The following LPAR1 variants were observed in gnomAD, a reference collection of about 807,000 sequenced individuals.
The protein encoded by LPAR1 is lysophosphatidic acid receptor 1.
A neutral mutation model predicts 23.8 loss-of-function variants in LPAR1; 5 were observed. That is an observed-to-expected ratio of 0.21 (90% CI 0.11 to 0.44). The LOEUF is 0.44. Among genes scored for constraint, LPAR1 ranks in the 20% least tolerant of loss-of-function variants. LPAR1 has a pLI of 0.99. For missense variants in LPAR1, 311 were observed against 482.8 expected (o/e 0.64, Z 3.33); for synonymous variants, 160 against 164.7 (o/e 0.97, Z 0.22).
intron 5 of LPAR1, among the ~76,000 whole-genome samples, chr9:110,936,394 C>A (rs754556672): frequency 1.3e-5 from 2 of 152,180 alleles, no homozygotes; most frequent in African/African-American, 4.8e-5. Context: ...GTGACAGTCA[C>A]CATGGTATGT....
At position 110,972,224 on chromosome 9, in the gene LPAR1, GAAAAC is replaced by G; in HGVS notation, c.-103-9_-103-5del. 1.0e-6 allele frequency: 1 copy of G among 963,552 alleles called. No homozygotes were observed. The highest frequency in any genetic ancestry group is 1.7e-6 in the Non-Finnish European group (1 of 598,382). The allele number at this position is 963,552 out of a possible 1,614,324, so 59.7% of individuals were successfully genotyped here. Reference sequence around the variant, plus strand: ...CATGCTAGGAGAAGCTGTGTACCTGGAAAACAACAGGAAAACCCACATTTAGCATA... The same window carrying G: ...CATGCTAGGAGAAGCTGTGTACCTGGAACAGGAAAACCCACATTTAGCATA... On this transcript the variant is annotated splice_region_variant and splice_polypyrimidine_tract_variant and intron_variant, in intron 3 of 5. Transcript: ENST00000683809.
intron 4 of LPAR1, among the ~76,000 whole-genome samples, chr9:110,967,803 C>G (rs2096272673): frequency 6.6e-6 from 1 of 152,210 alleles, no homozygotes; most frequent in African/African-American, 2.4e-5. Flanking sequence ...TTTCACTGTA[C>G]AAATTACATG....
intron 2 of LPAR1, among the ~76,000 whole-genome samples, chr9:111,014,194 C>T (rs1277115976): frequency 2.0e-5 from 3 of 152,146 alleles, no homozygotes; most frequent in African/African-American, 7.2e-5. Flanking sequence ...GATTAAACTC[C>T]AAACTGCCTG....
chr9:110,948,134 TA>T, intron 4 of LPAR1, among the ~76,000 whole-genome samples: 1 of 152,338 alleles, frequency 6.6e-6, no homozygotes, highest in Non-Finnish European at 1.5e-5. Context: ...TAAGACTTTT[TA>T]AATTCTTATT....
At chr9:111,014,793 C>G (rs2097406437) in intron 2 of LPAR1, among the ~76,000 whole-genome samples, 1 of 151,966 alleles carries the variant, frequency 6.6e-6, no homozygotes. Flanking sequence ...GAACCACCAC[C>G]ACCACCCTAC....
At chr9:111,033,536 C>G (rs2097841593) in intron 2 of LPAR1, among the ~76,000 whole-genome samples, 1 of 152,054 alleles carries the variant, frequency 6.6e-6, no homozygotes, top group African/African-American at 2.4e-5. Context: ...ATTCAGCCAC[C>G]TTCTTTTTCT....
chr9:110,966,481 G>GAAAAAAAAAAAAAAAAAAAAAAAAAA (rs766143422), intron 4 of LPAR1, among the ~76,000 whole-genome samples: 1 of 79,346 alleles, frequency 1.3e-5, no homozygotes, highest in Non-Finnish European at 2.6e-5. Flanking sequence ...TCCATCTCAA[G>GAAAAAAAAAAAAAAAAAAAAAAAAAA]AAAAAAAAAA....
chr9:110,953,780 C>A (rs1267203403), intron 4 of LPAR1, among the ~76,000 whole-genome samples: 1 of 152,064 alleles, frequency 6.6e-6, no homozygotes, highest in Non-Finnish European at 1.5e-5. Context: ...ACACAACCAA[C>A]ACCATAGATA....
chr9:110,928,302 C>A (rs905612150), intron 5 of LPAR1, among the ~76,000 whole-genome samples: 2 of 152,230 alleles, frequency 1.3e-5, no homozygotes, highest in African/African-American at 4.8e-5. Flanking sequence ...AGTATTAATA[C>A]TAATTTAGAT....
rs190390063 is a variant in LPAR1 at position 110,876,229 on chromosome 9, T to C, written c.794-507A>G. Among the ~76,000 whole-genome samples the C allele has an allele frequency of 2.3e-4, 35 of 152,346 alleles. No individual in the cohort carries two copies. In the East Asian group the frequency reaches 6.2e-3, roughly 27 times the overall value. On this transcript the variant is annotated intron_variant, in intron 5 of 5. Transcript: ENST00000683809. Reference sequence around the variant, plus strand: ...CTACTTTCTTTCCTTAATTTTCCCATCTGAAAATGCAGATGATTATATTTA... The same window carrying C: ...CTACTTTCTTTCCTTAATTTTCCCACCTGAAAATGCAGATGATTATATTTA...
chr9:110,875,462 TGGTGTGGTTGA>T lies in LPAR1; in HGVS notation c.1043_1053del (p.Leu348HisfsTer9). On this transcript the variant is annotated frameshift_variant, in exon 6 of 6. Coordinates refer to ENST00000683809, the MANE Select transcript of LPAR1 (RefSeq NM_001351411.2). LOFTEE classifies it high-confidence loss of function. ...TCATTGCTGTGAACTCCAGCCAAGA[TGGTGTGGTTGA>T]GGGAGGAAGCCGAGCGGTCTGAGCC... 1.2e-6 allele frequency: 2 copies of T among 1,613,892 alleles called. No individual in the cohort carries two copies. Among genetic ancestry groups the T allele is most frequent in the African/African-American group, 2.7e-5 (2 of 75,032 alleles).
At chr9:111,028,390 C>T (rs912358338) in intron 2 of LPAR1, among the ~76,000 whole-genome samples, 1 of 152,034 alleles carries the variant, frequency 6.6e-6, no homozygotes, top group Non-Finnish European at 1.5e-5. Flanking sequence ...GCAAGAAAGT[C>T]AATCTTAAGT....
intron 5 of LPAR1, among the ~76,000 whole-genome samples, chr9:110,935,914 A>G (rs542108463): frequency 1.3e-5 from 2 of 151,880 alleles, no homozygotes; most frequent in South Asian, 2.1e-4. Flanking sequence ...TCTTGTCAAA[A>G]CTCCATCTGG....
chr9:111,038,593 G>A, upstream of LPAR1: 1 of 454,954 alleles, frequency 2.2e-6, no homozygotes, highest in Admixed American at 2.4e-5. This position sits in a 1 kb window ranked among gnomAD's most constrained non-coding sequence, Gnocchi z 4.4. Context: ...CGTAGCACAA[G>A]TCAGCAACAC....
At chr9:110,892,060 A>G (rs1394753932) in intron 5 of LPAR1, among the ~76,000 whole-genome samples, 1 of 152,266 alleles carries the variant, frequency 6.6e-6, no homozygotes, top group Non-Finnish European at 1.5e-5. Flanking sequence ...AAAGGAAAGA[A>G]TATGTCCACA....
At chr9:110,909,348 G>A (rs2092007318) in intron 5 of LPAR1, among the ~76,000 whole-genome samples, 1 of 151,562 alleles carries the variant, frequency 6.6e-6, no homozygotes, top group African/African-American at 2.4e-5. Flanking sequence ...TCTTGTACAG[G>A]AGCAGCTCAT....
In LPAR1 at chr9:110,874,439, G is replaced by T. The variant is rs1273680538; in HGVS notation, c.*982C>A. Reference sequence around the variant, plus strand: ...AATACACATATAGGCATACATGGGGGTTGCTTTTTAAAGGTGGTTACTTCT... The same window carrying T: ...AATACACATATAGGCATACATGGGGTTTGCTTTTTAAAGGTGGTTACTTCT... On this transcript the variant is annotated 3_prime_UTR_variant, in exon 6 of 6. Transcript: ENST00000683809. 1.3e-5 allele frequency: 2 copies of T among 152,518 alleles called. No homozygotes were observed. The highest frequency in any genetic ancestry group is 6.6e-5 in the Admixed American group (1 of 15,266). The allele number at this position is 152,518 out of a possible 1,614,324, so 9.4% of individuals were successfully genotyped here.
At chr9:111,001,335 T>G (rs2097124902) in intron 2 of LPAR1, among the ~76,000 whole-genome samples, 1 of 151,942 alleles carries the variant, frequency 6.6e-6, no homozygotes, top group South Asian at 2.1e-4. Flanking sequence ...CAAGACAAAT[T>G]AAGAGAATAG....
At chr9:110,999,284 C>A in intron 2 of LPAR1, 1 of 397,314 alleles carries the variant, frequency 2.5e-6, no homozygotes, top group South Asian at 1.9e-5. Flanking sequence ...CTATTAAGTA[C>A]AGTGCAGATG....
Sources: allele counts gnomAD v4.1 joint callset (sites outside exome capture counted in the v4.1 genomes callset), GRCh38; gene constraint gnomAD v4.1.1; non-coding constraint Gnocchi (gnomAD v3.1); transcripts MANE v1.5; gene names NCBI Gene and HGNC (gene_info 2026-07-23, HGNC 2026-07-21).